The following LPL variants were observed in gnomAD, a reference collection of about 807,000 sequenced individuals.
The protein encoded by LPL is phospholipase A1.
Under a neutral mutation model 52.2 loss-of-function variants are expected in LPL, and 43 were observed. The observed-to-expected ratio is 0.82, with a 90% CI of 0.64 to 1.06. The LOEUF is 1.06. LPL is among the 50% of genes least tolerant of loss of function. The pLI, the probability that LPL is intolerant of heterozygous loss-of-function variation, is 0.00. For synonymous variants in LPL, 244 were observed against 215.6 expected (o/e 1.13, Z -1.15); for missense variants, 639 against 585.3 (o/e 1.09, Z -0.95).
intron 6 of LPL, among the ~76,000 whole-genome samples, chr8:19,958,167 C>T (rs753011290): frequency 5.3e-5 from 8 of 151,904 alleles, no homozygotes; most frequent in Non-Finnish European, 7.4e-5. Context: ...TACAGGCACC[C>T]GCCACCACGC....
At chr8:19,946,846 C>T (rs1046683571) in intron 1 of LPL, 3 of 153,080 alleles carry the variant, frequency 2.0e-5, no homozygotes, top group African/African-American at 7.2e-5. Flanking sequence ...TTCACTGTAC[C>T]CCATGAAGAT....
rs1277977324 is a variant in LPL, at chr8:19,944,965, TCCTTCC to T, written c.89-3203_89-3198del. 6.6e-6 allele frequency among the ~76,000 whole-genome samples: 1 copy of T among 151,996 alleles called. No individual in the cohort carries two copies. The highest frequency in any genetic ancestry group is 1.5e-5 in the Non-Finnish European group (1 of 67,970). On this transcript the variant is annotated intron_variant, in intron 1 of 9. Transcript: ENST00000650287. The surrounding 1 kb of genome is among the most constrained non-coding windows in gnomAD (Gnocchi z 4.2). The stretch of plus-strand genomic sequence containing the variant: ...GAAGGCCTGCCTTTCCTTCCCTCCT[TCCTTCC>T]CCTTCCCCTTCTTCCTTCCTTCCTT...
Position 19,948,334 on chromosome 8 carries a change from C to T in LPL, c.243C>T (p.Gly81=). 2 of 1,613,908 alleles carry T rather than the reference C, an allele frequency of 1.2e-6. No homozygotes were observed. Among genetic ancestry groups the T allele is most frequent in the Non-Finnish European group, 1.7e-6 (2 of 1,179,826 alleles). The change falls in exon 2 of 10, where the codon GGC becomes GGT. Residue 81 remains glycine, a synonymous_variant. Transcript: ENST00000650287. ...GCAAAACCTTCATGGTGATCCATGGCTGGACGGTAAGGGAGGCTCTTTGGG... is the reference window on the plus strand; with the variant it reads ...GCAAAACCTTCATGGTGATCCATGGTTGGACGGTAAGGGAGGCTCTTTGGG... ...HSSKTFMVIH[G]WTVTGMYESW...
chr8:19,952,058 G>A (rs1563573159), intron 3 of LPL, 110 bp downstream of exon 3: 3 of 1,247,494 alleles, frequency 2.4e-6, no homozygotes, highest in African/African-American at 1.5e-5. Context: ...TTTTCTGGGG[G>A]CATTCAAATC....
intron 1 of LPL, among the ~76,000 whole-genome samples, chr8:19,940,809 G>T (rs1412690385): frequency 6.6e-6 from 1 of 152,198 alleles, no homozygotes; most frequent in East Asian, 1.9e-4. Flanking sequence ...ACAAAAAGTT[G>T]GCAGGGAGCA....
At chr8:19,956,728 T>C (rs958925758) in intron 6 of LPL, among the ~76,000 whole-genome samples, 2 of 152,236 alleles carry the variant, frequency 1.3e-5, no homozygotes, top group African/African-American at 2.4e-5. Context: ...CATGCCACCA[T>C]AACAGAGTTG....
intron 1 of LPL, among the ~76,000 whole-genome samples, chr8:19,941,907 C>T (rs563346479): frequency 6.6e-6 from 1 of 152,310 alleles, no homozygotes; most frequent in African/African-American, 2.4e-5. Context: ...CTCTGCATGG[C>T]CCCAATTAGG....
intron 9 of LPL, among the ~76,000 whole-genome samples, chr8:19,963,981 T>G (rs1408241728): frequency 2.0e-5 from 3 of 152,086 alleles, no homozygotes; most frequent in African/African-American, 7.2e-5. Context: ...AGATGGAGTT[T>G]TGCTCTTGCT....
chr8:19,951,622 C>A, intron 2 of LPL, 147 bp from the exon 3 acceptor site: 1 of 897,064 alleles, frequency 1.1e-6, no homozygotes, highest in Non-Finnish European at 1.9e-6. Flanking sequence ...TGTCTCTGAA[C>A]ACTGTTCTGT....
At chr8:19,949,395 T>C (rs575024953) in intron 2 of LPL, among the ~76,000 whole-genome samples, 1 of 152,334 alleles carries the variant, frequency 6.6e-6, no homozygotes, top group East Asian at 1.9e-4. Flanking sequence ...TTTACTATGT[T>C]AACATAGTAA....
chr8:19,952,163 G>A (rs754493647), intron 3 of LPL, among the ~76,000 whole-genome samples: 6 of 152,216 alleles, frequency 3.9e-5, no homozygotes, highest in Admixed American at 2.0e-4. Context: ...CTGCTCTATC[G>A]TTTGATATTT....
intron 8 of LPL, 42 bp downstream of exon 8, chr8:19,961,125 C>A: frequency 6.3e-7 from 1 of 1,580,914 alleles, no homozygotes; most frequent in Non-Finnish European, 8.7e-7. Context: ...AGACCCCCAC[C>A]TGATGTCAGG....
In LPL at chr8:19,939,357, G is replaced by C; in HGVS notation, c.-84G>C. On this transcript the variant is annotated 5_prime_UTR_variant, in exon 1 of 10. Coordinates refer to ENST00000650287, the MANE Select transcript of LPL (RefSeq NM_000237.3). The surrounding 1 kb of genome is among the most constrained non-coding windows in gnomAD (Gnocchi z 4.0). ...GCGACTTGCTCAGCGCCAAACCGCG[G>C]CTCCAGCCCTCTCCAGCCTCCGGCT... 4 of 1,374,246 alleles carry C rather than the reference G, an allele frequency of 2.9e-6. No individual in the cohort carries two copies. In the East Asian group the frequency reaches 9.9e-5, roughly 34 times the overall value. 85.1% of individuals were successfully genotyped at this position (1,374,246 alleles called of 1,614,324 possible).
chr8:19,953,645 T>A (rs541263411), intron 4 of LPL, among the ~76,000 whole-genome samples: 3 of 152,156 alleles, frequency 2.0e-5, no homozygotes, highest in Admixed American at 6.5e-5. Context: ...AAATAAAGCA[T>A]AATTACACAC....
At chr8:19,941,557 T>C (rs1027300519) in intron 1 of LPL, among the ~76,000 whole-genome samples, 1 of 152,158 alleles carries the variant, frequency 6.6e-6, no homozygotes. Flanking sequence ...TTTAATTGAG[T>C]TGTAGCCAAC....
intron 1 of LPL, among the ~76,000 whole-genome samples, chr8:19,940,983 T>C (rs560226039): frequency 7.9e-5 from 12 of 152,048 alleles, no homozygotes; most frequent in Middle Eastern, 3.2e-3. Flanking sequence ...TGGTCCCAGA[T>C]AGTCAGCAGG....
At position 19,948,237 on chromosome 8, in the gene LPL, C is replaced by T; in HGVS notation, c.146C>T (p.Thr49Ile). ...SKFALRTPED[T>I]AEDTCHLIPG... is the part of the protein sequence containing the mutation. ...TTTGCCCTAAGGACCCCTGAAGACA[C>T]AGCTGAGGACACTTGCCACCTCATT... The change falls in exon 2 of 10, where the codon ACA (threonine) becomes ATA (isoleucine). Residue 49 changes from threonine to isoleucine, a missense_variant. Physicochemically the swap from Thr to Ile is moderately conservative, Grantham distance 89 (BLOSUM62 -1). Coordinates refer to ENST00000650287, the MANE Select transcript of LPL (RefSeq NM_000237.3). 1 of 1,614,126 alleles carries T rather than the reference C, an allele frequency of 6.2e-7. No individual in the cohort carries two copies. The highest frequency in any genetic ancestry group is 8.5e-7 in the Non-Finnish European group (1 of 1,180,006).
chr8:19,954,254 C>A lies in LPL; in HGVS notation c.676C>A (p.Pro226Thr), dbSNP rs746327088. The stretch of plus-strand genomic sequence containing the variant: ...TGGTCGAAGCATTGGAATCCAGAAA[C>A]CAGTTGGGCATGTTGACATTTACCC... ...SPGRSIGIQK[P>T]VGHVDIYPNG... Residue 226 changes from proline (P) to threonine (T), a missense_variant, in exon 5 of 10, where the codon CCA becomes ACA. Transcript: ENST00000650287. 5 of 1,614,170 alleles carry A rather than the reference C, an allele frequency of 3.1e-6. No homozygotes were observed. In the South Asian group the frequency reaches 5.5e-5, roughly 18 times the overall value.
chr8:19,947,237 G>A (rs2069889200), intron 1 of LPL, among the ~76,000 whole-genome samples: 1 of 152,064 alleles, frequency 6.6e-6, no homozygotes, highest in Non-Finnish European at 1.5e-5. Context: ...CGGCCCGATG[G>A]CTCACACTGG....
Sources: allele counts gnomAD v4.1 joint callset (sites outside exome capture counted in the v4.1 genomes callset), GRCh38; gene constraint gnomAD v4.1.1; non-coding constraint Gnocchi (gnomAD v3.1); transcripts MANE v1.5; gene names NCBI Gene and HGNC (gene_info 2026-07-23, HGNC 2026-07-21).